The following PRPF19 variants were observed in gnomAD, a reference collection of about 807,000 sequenced individuals.
PRPF19 encodes pre-mRNA-processing factor 19.
A neutral mutation model predicts 64.2 loss-of-function variants in PRPF19; 2 were observed. That is an observed-to-expected ratio of 0.03 (90% CI 0.01 to 0.10). The LOEUF is 0.10. PRPF19 is among the 10% of genes least tolerant of loss of function. The probability of loss-of-function intolerance (pLI) is 1.00; values close to 1 mark genes in which losing one functional copy is unlikely to be tolerated. For synonymous variants in PRPF19, 226 were observed against 251.6 expected (o/e 0.90, Z 0.96); for missense variants, 314 against 650.0 (o/e 0.48, Z 5.62).
At chr11:60,899,327 A>G (rs372507877) in intron 10 of PRPF19, 23 bp from the exon 11 acceptor site, 2 of 1,598,194 alleles carry the variant, frequency 1.3e-6, no homozygotes, top group Non-Finnish European at 1.7e-6. Context: ...CAAAGACAGA[A>G]TATCAGAGTC....
At chr11:60,899,064 C>G in intron 11 of PRPF19, 85 bp downstream of exon 11, 1 of 1,524,266 alleles carries the variant, frequency 6.6e-7, no homozygotes, top group Non-Finnish European at 8.9e-7. Flanking sequence ...GGGGAACCAG[C>G]TGGGGTGGGA....
intron 1 of PRPF19, chr11:60,905,390 T>C (rs1219534838): frequency 6.6e-6 from 1 of 151,968 alleles, no homozygotes; most frequent in Non-Finnish European, 1.5e-5. Flanking sequence ...TTCTTCAAAG[T>C]GAGGGATTCC....
rs762707682 is a variant in PRPF19, at chr11:60,898,290, G to A, written c.1141-19C>T. 30 of 1,610,558 alleles carry A rather than the reference G, an allele frequency of 1.9e-5. No individual in the cohort carries two copies. The highest frequency in any genetic ancestry group is 2.4e-5 in the Non-Finnish European group (28 of 1,178,926). ...TACGTTCCTACAGTGGCGGTGGGTA[G>A]TAAAATACGTCACCCACAGATCATG... On this transcript the variant is annotated intron_variant, in intron 13 of 15. Transcript: ENST00000227524. This position sits in a 1 kb window ranked among gnomAD's most constrained non-coding sequence, Gnocchi z 4.6.
rs2134861217 is a variant in PRPF19, at chr11:60,898,748, A to G, written c.1054+114T>C. ...GAACCCAGCACAAAGCCCGCACTAGACAGGTGCTCATGGTAAATATATCTT... is the reference window on the plus strand; with the variant it reads ...GAACCCAGCACAAAGCCCGCACTAGGCAGGTGCTCATGGTAAATATATCTT... On this transcript the variant is annotated intron_variant, in intron 12 of 15. Coordinates refer to ENST00000227524, the MANE Select transcript of PRPF19 (RefSeq NM_014502.5). This position sits in a 1 kb window ranked among gnomAD's most constrained non-coding sequence, Gnocchi z 4.6. 6.5e-7 allele frequency: 1 copy of G among 1,542,406 alleles called. No homozygotes were observed. Among genetic ancestry groups the G allele is most frequent in the African/African-American group, 1.4e-5 (1 of 72,094 alleles).
chr11:60,894,160 AT>A, intron 15 of PRPF19, among the ~76,000 whole-genome samples: 1 of 152,266 alleles, frequency 6.6e-6, no homozygotes, highest in East Asian at 1.9e-4. Context: ...GGCTGTGACA[AT>A]TTCTTAAAAT....
chr11:60,891,675 C>T (rs1274010317), intron 15 of PRPF19, among the ~76,000 whole-genome samples: 2 of 152,188 alleles, frequency 1.3e-5, no homozygotes, highest in African/African-American at 4.8e-5. Context: ...AGAGCAGGAC[C>T]AGATAAGAGG....
chr11:60,891,631 T>G (rs11823331), intron 15 of PRPF19, among the ~76,000 whole-genome samples: 4,949 of 152,302 alleles, frequency 0.032, 255 homozygotes, highest in African/African-American at 0.11. Context: ...TAGCTCATAG[T>G]GTTCCAACCC....
chr11:60,903,561 A>G (rs1856009130), intron 2 of PRPF19, 26 bp from the exon 3 acceptor site: 2 of 1,612,630 alleles, frequency 1.2e-6, no homozygotes, highest in Middle Eastern at 1.6e-4. Context: ...GCAGGTATGA[A>G]GAACATAACC....
chr11:60,895,276 C>T (rs190761421), intron 15 of PRPF19, among the ~76,000 whole-genome samples: 14 of 152,304 alleles, frequency 9.2e-5, no homozygotes, highest in Admixed American at 1.3e-4. Flanking sequence ...CTAGGTCTTC[C>T]GGATAACTTG....
At position 60,898,086 on chromosome 11, in the gene PRPF19, G is replaced by A. The variant is rs760649830; in HGVS notation, c.1311+15C>T. 6.2e-7 allele frequency: 1 copy of A among 1,611,638 alleles called. No homozygotes were observed. The highest frequency in any genetic ancestry group is 1.3e-5 in the African/African-American group (1 of 74,910). ...GAGACACAATGGAAAGCTGGGCGGA[G>A]GGGGAAGGGCACACCTCAAAGTTGT... On this transcript the variant is annotated intron_variant, in intron 14 of 15. Transcript: ENST00000227524. The surrounding 1 kb of genome is among the most constrained non-coding windows in gnomAD (Gnocchi z 4.6).
chr11:60,898,332 G>T lies in PRPF19; in HGVS notation c.1141-61C>A. On this transcript the variant is annotated intron_variant, in intron 13 of 15. Transcript: ENST00000227524. The surrounding 1 kb of genome is among the most constrained non-coding windows in gnomAD (Gnocchi z 4.6). ...CAGATCATGAGAGGAAGAAAATGGGGCTCACCAAACTCCTACCTGAGATGT... is the reference window on the plus strand; with the variant it reads ...CAGATCATGAGAGGAAGAAAATGGGTCTCACCAAACTCCTACCTGAGATGT... 6.3e-7 allele frequency: 1 copy of T among 1,579,798 alleles called. No individual in the cohort carries two copies. The highest frequency in any genetic ancestry group is 8.6e-7 in the Non-Finnish European group (1 of 1,162,136).
Position 60,898,033 on chromosome 11 carries a change from T to C in PRPF19, c.1311+68A>G. On this transcript the variant is annotated intron_variant, in intron 14 of 15. Transcript: ENST00000227524. The surrounding 1 kb of genome is among the most constrained non-coding windows in gnomAD (Gnocchi z 4.6). ...TTGCGGATAAGCAGAAGCAATTAGATTAATTCAATAAATAATTGACAAACA... is the reference window on the plus strand; with the variant it reads ...TTGCGGATAAGCAGAAGCAATTAGACTAATTCAATAAATAATTGACAAACA... 2 of 1,607,362 alleles carry C rather than the reference T, an allele frequency of 1.2e-6. No individual in the cohort carries two copies. The highest frequency in any genetic ancestry group is 1.7e-6 in the Non-Finnish European group (2 of 1,175,478).
At position 60,901,362 on chromosome 11, in the gene PRPF19, T is replaced by C. The variant is rs1855982571; in HGVS notation, c.575A>G (p.Lys192Arg). ...VLTTERKKRGKTVPEELVKPE... is the reference protein window; with the variant it reads ...VLTTERKKRGRTVPEELVKPE... ...CTTCACCAGCTCCTCAGGCACAGTC[T>C]TCCCTCTCTGAGAAAATGAAAAGCC... Residue 192 changes from lysine to arginine, a missense_variant, in exon 8 of 16, where the codon AAG becomes AGG. Lys to Arg is a conservative substitution (Grantham distance 26, BLOSUM62 2). This residue lies in a region of PRPF19 where 175 missense variants were observed against 342.9 expected (regional missense o/e 0.51). Coordinates refer to ENST00000227524, the MANE Select transcript of PRPF19 (RefSeq NM_014502.5). 2 of 1,614,190 alleles carry C rather than the reference T, an allele frequency of 1.2e-6. No individual in the cohort carries two copies. The highest frequency in any genetic ancestry group is 1.7e-5 in the Admixed American group (1 of 60,028).
At chr11:60,892,454 C>T (rs535424187) in intron 15 of PRPF19, among the ~76,000 whole-genome samples, 3 of 152,282 alleles carry the variant, frequency 2.0e-5, no homozygotes, top group South Asian at 2.1e-4. Flanking sequence ...TATTCACAGA[C>T]GGTCCCCGAT....
At chr11:60,892,234 T>C (rs1481671855) in intron 15 of PRPF19, among the ~76,000 whole-genome samples, 1 of 152,244 alleles carries the variant, frequency 6.6e-6, no homozygotes, top group African/African-American at 2.4e-5. Flanking sequence ...CAGCATCTCA[T>C]GCTTTTCTTC....
intron 15 of PRPF19, among the ~76,000 whole-genome samples, chr11:60,895,414 T>G (rs557555710): frequency 4.4e-4 from 67 of 152,242 alleles, no homozygotes; most frequent in Non-Finnish European, 2.2e-4. Context: ...CTTCCTCACC[T>G]GTCTCAGCCT....
chr11:60,898,746 A>T lies in PRPF19; in HGVS notation c.1054+116T>A. ...GTGAACCCAGCACAAAGCCCGCACT[A>T]GACAGGTGCTCATGGTAAATATATC... is the stretch of plus-strand genomic sequence containing the variant. On this transcript the variant is annotated intron_variant, in intron 12 of 15. Transcript: ENST00000227524. This position sits in a 1 kb window ranked among gnomAD's most constrained non-coding sequence, Gnocchi z 4.6. 1 of 1,547,082 alleles carries T rather than the reference A, an allele frequency of 6.5e-7. No individual in the cohort carries two copies. The highest frequency in any genetic ancestry group is 8.8e-7 in the Non-Finnish European group (1 of 1,141,206).
rs1363022021 is a variant in PRPF19, at chr11:60,903,450, G to A, written c.246+9C>T. ...TGGGGAAGATGCTGATTCTCTTGCA[G>A]GAACTCACCCACTCATCCTGCAAAG... On this transcript the variant is annotated intron_variant, in intron 3 of 15. Coordinates refer to ENST00000227524, the MANE Select transcript of PRPF19 (RefSeq NM_014502.5). The A allele has an allele frequency of 1.9e-6, 3 of 1,610,902 alleles. No homozygotes were observed. The highest frequency in any genetic ancestry group is 4.5e-5 in the East Asian group (2 of 44,862).
rs763338715 is a variant in PRPF19, at chr11:60,902,835, G to A, written c.293C>T (p.Thr98Ile). The A allele has an allele frequency of 6.2e-7, 1 of 1,614,110 alleles. No individual in the cohort carries two copies. The highest frequency in any genetic ancestry group is 8.5e-7 in the Non-Finnish European group (1 of 1,179,996). ...HSFTLRQQLQTTRQELSHALY... is the reference protein window; with the variant it reads ...HSFTLRQQLQITRQELSHALY... ...AGCGTGTGACAGCTCTTGGCGGGTT[G>A]TCTGCAGCTGCTGGCGCAGAGTGAA... Residue 98 changes from threonine (T) to isoleucine (I), a missense_variant, in exon 4 of 16, where the codon ACA (threonine) becomes ATA (isoleucine). Physicochemically the swap from Thr to Ile is moderately conservative, Grantham distance 89. Transcript: ENST00000227524. This position sits in a 1 kb window ranked among gnomAD's most constrained non-coding sequence, Gnocchi z 5.0.
Sources: allele counts gnomAD v4.1 joint callset (sites outside exome capture counted in the v4.1 genomes callset), GRCh38; gene constraint gnomAD v4.1.1; regional missense constraint gnomAD v4.1.1; non-coding constraint Gnocchi (gnomAD v3.1); transcripts MANE v1.5; gene names NCBI Gene and HGNC (gene_info 2026-07-23, HGNC 2026-07-21).